The following ATP11A variants were observed in gnomAD, a reference collection of about 807,000 sequenced individuals.
ATP11A encodes ATPase phospholipid transporting 11A.
A neutral mutation model predicts 154.4 loss-of-function variants in ATP11A; 81 were observed. The observed-to-expected ratio is 0.52, with a 90% CI of 0.44 to 0.63. The LOEUF (loss-of-function observed/expected upper bound fraction) is 0.63. ATP11A is among the 30% of genes least tolerant of loss of function. The pLI is 0.00. For synonymous variants in ATP11A, 623 were observed against 585.9 expected (o/e 1.06, Z -0.91); for missense variants, 1,316 against 1,474.3 (o/e 0.89, Z 1.76).
At chr13:112,874,187 C>CG in intron 27 of ATP11A, among the ~76,000 whole-genome samples, 1 of 151,674 alleles carries the variant, frequency 6.6e-6, no homozygotes, top group Non-Finnish European at 1.5e-5. Context: ...CCTGACTCAT[C>CG]GGGGAGCCTC....
At chr13:112,716,171 A>G (rs1227599252) in intron 1 of ATP11A, among the ~76,000 whole-genome samples, 1 of 152,128 alleles carries the variant, frequency 6.6e-6, no homozygotes, top group Non-Finnish European at 1.5e-5. Flanking sequence ...GCACCCTGTG[A>G]TAGACCTTTT....
chr13:112,859,576 G>C lies in ATP11A; in HGVS notation c.2727+124G>C. The C allele has an allele frequency of 2.3e-6, 2 of 857,552 alleles. No homozygotes were observed. Among genetic ancestry groups the C allele is most frequent in the Middle Eastern group, 2.3e-4 (1 of 4,384 alleles). 53.1% of individuals were successfully genotyped at this position (857,552 alleles called of 1,614,324 possible). ...ACTCCCCGGCACCACGAGGGAGCCAGGGTGCCCAGCAGCAGGCGGGGGTGA... is the reference window on the plus strand; with the variant it reads ...ACTCCCCGGCACCACGAGGGAGCCACGGTGCCCAGCAGCAGGCGGGGGTGA... On this transcript the variant is annotated intron_variant, in intron 23 of 29. Transcript: ENST00000375645. This position sits in a 1 kb window ranked among gnomAD's most constrained non-coding sequence, Gnocchi z 4.3.
intron 29 of ATP11A, chr13:112,880,509 T>G: frequency 7.8e-7 from 1 of 1,284,304 alleles, no homozygotes; most frequent in South Asian, 1.3e-5. Flanking sequence ...TGGCCCCGTG[T>G]GGCCCACGTC....
intron 2 of ATP11A, among the ~76,000 whole-genome samples, chr13:112,801,649 T>C (rs570226893): frequency 3.9e-5 from 6 of 152,298 alleles, no homozygotes; most frequent in Non-Finnish European, 5.9e-5. Context: ...CAATGAACAG[T>C]TGGAATTTGA....
intron 1 of ATP11A, among the ~76,000 whole-genome samples, chr13:112,771,254 C>T (rs966956266): frequency 2.0e-5 from 3 of 152,160 alleles, no homozygotes; most frequent in Admixed American, 1.3e-4. Flanking sequence ...GGTAATCCAG[C>T]GATTTTCTGA....
chr13:112,742,631 G>C (rs1371449458), intron 1 of ATP11A, among the ~76,000 whole-genome samples: 1 of 152,246 alleles, frequency 6.6e-6, no homozygotes, highest in Non-Finnish European at 1.5e-5. Flanking sequence ...GCTACCTGTG[G>C]AGCGCAACAT....
rs1256026862 is a variant in ATP11A, at chr13:112,823,382, A to G, written c.763A>G (p.Thr255Ala). 1.9e-6 allele frequency: 3 copies of G among 1,612,710 alleles called. No homozygotes were observed. Among genetic ancestry groups the G allele is most frequent in the Non-Finnish European group, 2.5e-6 (3 of 1,178,844 alleles). ...GSENLLLRGA[T>A]LKNTEKIFGV... is the part of the protein sequence containing the mutation. Reference sequence around the variant, plus strand: ...GGAAAACCTGCTGCTTAGAGGAGCTACACTGAAGAACACTGAGAAAATCTT... The same window carrying G: ...GGAAAACCTGCTGCTTAGAGGAGCTGCACTGAAGAACACTGAGAAAATCTT... The change falls in exon 9 of 30, where the codon ACA becomes GCA. Residue 255 changes from threonine to alanine, a missense_variant. Around this residue, in one of 5 missense-constraint regions of ATP11A, gnomAD observed 876 missense variants for 1,006.8 expected, o/e 0.87. Transcript: ENST00000375645.
At chr13:112,718,462 C>T (rs892192084) in intron 1 of ATP11A, among the ~76,000 whole-genome samples, 7 of 152,166 alleles carry the variant, frequency 4.6e-5, no homozygotes, top group African/African-American at 1.7e-4. Context: ...CCGCCTGCCG[C>T]AAGTTTCATG....
chr13:112,829,440 G>A (rs988646682), intron 12 of ATP11A, among the ~76,000 whole-genome samples: 14 of 152,230 alleles, frequency 9.2e-5, no homozygotes, highest in Non-Finnish European at 1.8e-4. Flanking sequence ...AGTGCATTAC[G>A]TCTGCAAAAT....
chr13:112,809,677 A>AT (rs1456371782), intron 4 of ATP11A, among the ~76,000 whole-genome samples: 3 of 152,062 alleles, frequency 2.0e-5, no homozygotes, highest in Non-Finnish European at 4.4e-5. Context: ...GTGGACGCCC[A>AT]TAGGCCCCTG....
intron 2 of ATP11A, among the ~76,000 whole-genome samples, chr13:112,794,368 T>C (rs1189014189): frequency 1.3e-5 from 2 of 152,238 alleles, no homozygotes; most frequent in Non-Finnish European, 2.9e-5. Context: ...TTTCAGTTGA[T>C]TGTATCCCGA....
At chr13:112,823,286 C>T in intron 8 of ATP11A, 59 bp from the exon 9 acceptor site, 9 of 1,380,684 alleles carry the variant, frequency 6.5e-6, no homozygotes, top group Admixed American at 3.5e-5. Flanking sequence ...GCCTCTTGCC[C>T]CCCGCCCTGC....
At chr13:112,823,306 T>A in intron 8 of ATP11A, 39 bp from the exon 9 acceptor site, 1 of 1,578,440 alleles carries the variant, frequency 6.3e-7, no homozygotes, top group Non-Finnish European at 8.7e-7. Flanking sequence ...CCCACTTGCC[T>A]TCGTGTCCGC....
In ATP11A at chr13:112,882,250, G is replaced by A; in HGVS notation, c.*384G>A. 4 of 659,818 alleles carry A rather than the reference G, an allele frequency of 6.1e-6. No homozygotes were observed. The highest frequency in any genetic ancestry group is 3.5e-5 in the South Asian group (2 of 57,398). The allele number at this position is 659,818 out of a possible 1,614,324, so 40.9% of individuals were successfully genotyped here. On this transcript the variant is annotated 3_prime_UTR_variant, in exon 30 of 30. Transcript: ENST00000375645. The surrounding 1 kb of genome is among the most constrained non-coding windows in gnomAD (Gnocchi z 5.1). The stretch of plus-strand genomic sequence containing the variant: ...TCAACGCAGGAGGGACATTCTGCTG[G>A]CCCACCCTGCGCGCTGTCATGCAGA...
chr13:112,830,789 G>T (rs1194505296), intron 12 of ATP11A, among the ~76,000 whole-genome samples: 1 of 152,158 alleles, frequency 6.6e-6, no homozygotes. Context: ...ATAAACGTGT[G>T]ACCCATGAGC....
rs781223322 is a variant in ATP11A, at chr13:112,871,720, A to G, written c.2992-15A>G. The G allele has an allele frequency of 7.4e-6, 12 of 1,612,468 alleles. 1 individual carries two copies. Among genetic ancestry groups the G allele is most frequent in the East Asian group, 6.7e-5 (3 of 44,880 alleles). ...ACATAAAAACGAGATGACTTGGACTATTTTCCCCAAACAGATATTTGGAAA... is the reference window on the plus strand; with the variant it reads ...ACATAAAAACGAGATGACTTGGACTGTTTTCCCCAAACAGATATTTGGAAA... On this transcript the variant is annotated splice_polypyrimidine_tract_variant and intron_variant, in intron 25 of 29. Transcript: ENST00000375645.
At chr13:112,716,506 T>C (rs1888475228) in intron 1 of ATP11A, among the ~76,000 whole-genome samples, 1 of 152,142 alleles carries the variant, frequency 6.6e-6, no homozygotes, top group African/African-American at 2.4e-5. Context: ...CCCCTCCGCC[T>C]CTGGGAGGAC....
At chr13:112,815,092 A>G (rs984913347) in intron 5 of ATP11A, among the ~76,000 whole-genome samples, 27 of 152,326 alleles carry the variant, frequency 1.8e-4, no homozygotes, top group African/African-American at 5.8e-4. Context: ...GACTGGCTGG[A>G]GCCCTGCAGT....
At chr13:112,704,869 G>A (rs1886968097) in intron 1 of ATP11A, among the ~76,000 whole-genome samples, 1 of 152,236 alleles carries the variant, frequency 6.6e-6, no homozygotes, top group South Asian at 2.1e-4. Context: ...TTTTGGTGTG[G>A]TTTTCCAAGG....
Sources: gnomAD v4.1 joint callset for allele counts (sites outside exome capture counted in the v4.1 genomes callset) on GRCh38, gnomAD v4.1.1 for gene constraint, gnomAD v4.1.1 regional missense constraint, Gnocchi (gnomAD v3.1) non-coding constraint, MANE v1.5 for transcripts, NCBI Gene and HGNC (gene_info 2026-07-23, HGNC 2026-07-21) for gene names.